The following GALM variants were observed in gnomAD, a reference collection of about 807,000 sequenced individuals.
GALM encodes galactose mutarotase, also known as aldose 1-epimerase.
Under a neutral mutation model 37.4 loss-of-function variants are expected in GALM, and 43 were observed. The observed-to-expected ratio is 1.15, with a 90% CI of 0.90 to 1.48. The LOEUF (loss-of-function observed/expected upper bound fraction) is 1.48. Among genes scored for constraint, GALM ranks in the 40% most tolerant of loss-of-function variants. The pLI is 0.00. For missense variants in GALM, 456 were observed against 419.1 expected, an observed-to-expected ratio of 1.09 and a Z score of -0.77; for synonymous variants, 199 against 170.6, an observed-to-expected ratio of 1.17 and a Z score of -1.30.
chr2:38,702,694 T>G (rs1665943409), intron 4 of GALM, among the ~76,000 whole-genome samples: 1 of 152,042 alleles, frequency 6.6e-6, no homozygotes, highest in South Asian at 2.1e-4. Flanking sequence ...CAGGATTTAG[T>G]CACAGATCCA....
chr2:38,696,652 G>A (rs1231758446), intron 4 of GALM, among the ~76,000 whole-genome samples: 3 of 146,600 alleles, frequency 2.0e-5, no homozygotes, highest in Non-Finnish European at 4.5e-5. Context: ...TTTCTTTTTT[G>A]GCAGAGATGA....
At chr2:38,698,452 G>T in intron 4 of GALM, 1 of 1,262,894 alleles carries the variant, frequency 7.9e-7, no homozygotes, top group Non-Finnish European at 1.0e-6. Context: ...CTGTCAGGCT[G>T]TGTTTGGATG....
intron 1 of GALM, among the ~76,000 whole-genome samples, chr2:38,673,354 A>C (rs1665162472): frequency 6.6e-6 from 1 of 152,228 alleles, no homozygotes; most frequent in Admixed American, 6.5e-5. Flanking sequence ...AGTGGAAAGT[A>C]ATCTTGGTAA....
chr2:38,677,672 T>A (rs1665291155), intron 2 of GALM, among the ~76,000 whole-genome samples: 1 of 152,178 alleles, frequency 6.6e-6, no homozygotes, highest in African/African-American at 2.4e-5. Context: ...GCTTAACTTA[T>A]ATTCCCTTCA....
intron 4 of GALM, among the ~76,000 whole-genome samples, chr2:38,719,592 T>C (rs1448790694): frequency 6.6e-6 from 1 of 151,006 alleles, no homozygotes; most frequent in African/African-American, 2.4e-5. Flanking sequence ...CTGGCCAACA[T>C]GGTGAAATCC....
intron 5 of GALM, among the ~76,000 whole-genome samples, chr2:38,731,024 A>C (rs1263780148): frequency 6.6e-6 from 1 of 152,060 alleles, no homozygotes; most frequent in East Asian, 1.9e-4. Context: ...TCAGTAGTTC[A>C]AGACCAGTTG....
At chr2:38,711,803 T>C (rs796569206) in intron 4 of GALM, among the ~76,000 whole-genome samples, 2 of 136,486 alleles carry the variant, frequency 1.5e-5, no homozygotes, top group Admixed American at 7.3e-5. Flanking sequence ...ACCATCACCA[T>C]CACCATCATC....
At chr2:38,687,365 C>T (rs540922040) in intron 3 of GALM, among the ~76,000 whole-genome samples, 1 of 152,192 alleles carries the variant, frequency 6.6e-6, no homozygotes, top group Non-Finnish European at 1.5e-5. Flanking sequence ...TTGTCCCCCA[C>T]CCACTCATAC....
intron 4 of GALM, among the ~76,000 whole-genome samples, chr2:38,720,537 A>G (rs1384441129): frequency 2.0e-5 from 3 of 151,962 alleles, no homozygotes; most frequent in African/African-American, 7.3e-5. Context: ...CACCTCTTAG[A>G]TGCTAGCAGT....
chr2:38,702,180 C>G, intron 4 of GALM, among the ~76,000 whole-genome samples: 1 of 150,464 alleles, frequency 6.6e-6, no homozygotes, highest in East Asian at 1.9e-4. Context: ...ACTCTAACAC[C>G]TAACTGGAAA....
chr2:38,682,897 T>TA (rs70954743), intron 3 of GALM, among the ~76,000 whole-genome samples: 6,100 of 135,530 alleles, frequency 0.045, 145 homozygotes, highest in Middle Eastern at 0.1. Context: ...ACTCCGTCTT[T>TA]AAAAAAAAAA....
intron 1 of GALM, among the ~76,000 whole-genome samples, chr2:38,673,932 G>A (rs1428992160): frequency 6.6e-6 from 1 of 151,950 alleles, no homozygotes; most frequent in Non-Finnish European, 1.5e-5. Flanking sequence ...CGATTATAGT[G>A]TGATACTCTA....
chr2:38,666,820 G>A (rs574436247), intron 1 of GALM, among the ~76,000 whole-genome samples: 1 of 152,236 alleles, frequency 6.6e-6, no homozygotes, highest in South Asian at 2.1e-4. Context: ...GGTTGTCTCA[G>A]AAATGCTCCA....
At chr2:38,678,500 G>A (rs529280773) in intron 2 of GALM, among the ~76,000 whole-genome samples, 34 of 152,208 alleles carry the variant, frequency 2.2e-4, no homozygotes, top group Non-Finnish European at 3.8e-4. Context: ...CTCTACAAAA[G>A]AAAAACTAGG....
chr2:38,722,440 G>A (rs1423150592), intron 4 of GALM, among the ~76,000 whole-genome samples: 1 of 152,160 alleles, frequency 6.6e-6, no homozygotes, highest in African/African-American at 2.4e-5. Context: ...GCCCAGAGCT[G>A]TAACCCTAGA....
At chr2:38,696,433 C>CTTTTT (rs35556554) in intron 4 of GALM, among the ~76,000 whole-genome samples, 1 of 136,542 alleles carries the variant, frequency 7.3e-6, no homozygotes, top group Non-Finnish European at 1.6e-5. Context: ...TTTTTCTTTT[C>CTTTTT]TTTTTTTTTT....
chr2:38,706,034 C>G (rs1666030316), intron 4 of GALM, among the ~76,000 whole-genome samples: 1 of 150,956 alleles, frequency 6.6e-6, no homozygotes, highest in Admixed American at 6.6e-5. Context: ...GAGACAAAGT[C>G]TCACTCTGTT....
At chr2:38,702,295 C>T (rs6743790) in intron 4 of GALM, among the ~76,000 whole-genome samples, 4 of 151,718 alleles carry the variant, frequency 2.6e-5, no homozygotes, top group Non-Finnish European at 5.9e-5. Context: ...GGCTCTCAGG[C>T]CTCCCCAAAA....
intron 4 of GALM, among the ~76,000 whole-genome samples, chr2:38,725,319 G>A (rs1666462480): frequency 6.6e-6 from 1 of 152,032 alleles, no homozygotes; most frequent in Admixed American, 6.6e-5. Flanking sequence ...AGGATTGCTT[G>A]AGCCCAGGAG....
Sources: allele counts gnomAD v4.1 joint callset (sites outside exome capture counted in the v4.1 genomes callset), GRCh38; gene constraint gnomAD v4.1.1; transcripts MANE v1.5; gene names NCBI Gene and HGNC (gene_info 2026-07-23, HGNC 2026-07-21).